Variants in PCNT observed in about 807,000 individuals in gnomAD.
The protein encoded by PCNT is kendrin.
Under a neutral mutation model 380.4 loss-of-function variants are expected in PCNT, and 319 were observed. The ratio of observed to expected loss-of-function variants is 0.84; its 90% CI spans 0.77 to 0.92. The LOEUF is 0.92. Among genes scored for constraint, PCNT ranks in the 40% least tolerant of loss-of-function variants. PCNT has a pLI of 0.00. For synonymous variants in PCNT, 1,845 were observed against 1,735.2 expected (o/e 1.06, Z -1.57); for missense variants, 4,400 against 4,255.3 (o/e 1.03, Z -0.95).
intron 15 of PCNT, among the ~76,000 whole-genome samples, chr21:46,375,963 A>G (rs1336732390): frequency 3.9e-5 from 6 of 152,202 alleles, no homozygotes; most frequent in African/African-American, 7.2e-5. Flanking sequence ...GACTGCACAC[A>G]TGGAGCTTCC....
rs1205124368 is a variant in PCNT at position 46,381,819 on chromosome 21, G to C, written c.3291G>C (p.Lys1097Asn). 1 of 1,614,242 alleles carries C rather than the reference G, an allele frequency of 6.2e-7. No homozygotes were observed. The highest frequency in any genetic ancestry group is 8.5e-7 in the Non-Finnish European group (1 of 1,180,036). ...EKESLSLQLQKKNHQVQQLKD... is the reference protein window; with the variant it reads ...EKESLSLQLQNKNHQVQQLKD... Reference sequence around the variant, plus strand: ...AGTCTTTGTCTCTGCAGCTTCAAAAGAAGAATCACCAAGTCCAGCAGGTGT... The same window carrying C: ...AGTCTTTGTCTCTGCAGCTTCAAAACAAGAATCACCAAGTCCAGCAGGTGT... Residue 1097 changes from lysine (K) to asparagine (N), a missense_variant, in exon 16 of 47, where the codon AAG (lysine) becomes AAC (asparagine). By Grantham distance (94) the Lys-to-Asn change is moderately conservative (BLOSUM62 0). Coordinates refer to ENST00000359568, the MANE Select transcript of PCNT (RefSeq NM_006031.6).
At position 46,381,183 on chromosome 21, in the gene PCNT, A is replaced by G. The variant is rs866961413; in HGVS notation, c.3166-511A>G. Among the ~76,000 whole-genome samples, 132 of 135,386 alleles carry G rather than the reference A, an allele frequency of 9.7e-4. 3 individuals are homozygous for G. Among genetic ancestry groups the G allele is most frequent in the African/African-American group, 3.8e-3 (123 of 32,550 alleles). 88.8% of individuals were successfully genotyped at this position (135,386 alleles called of 152,430 possible). On this transcript the variant is annotated intron_variant, in intron 15 of 46. Coordinates refer to ENST00000359568, the MANE Select transcript of PCNT (RefSeq NM_006031.6). ...CAGAGAAGAGTCCTTCCAAAAAAAA[A>G]AAAAAAAAATCTCTGTGTGTGTGTG... is the stretch of plus-strand genomic sequence containing the variant.
At chr21:46,326,697 G>A in intron 2 of PCNT, 108 bp downstream of exon 2, 1 of 1,171,384 alleles carries the variant, frequency 8.5e-7, no homozygotes, top group Non-Finnish European at 1.3e-6. Flanking sequence ...CAAAAGTGAG[G>A]AAAGAGGGTG....
At chr21:46,419,766 G>A (rs2147817748) in intron 31 of PCNT, among the ~76,000 whole-genome samples, 1 of 152,206 alleles carries the variant, frequency 6.6e-6, no homozygotes, top group East Asian at 1.9e-4. Context: ...ACCGAGACAG[G>A]GTCTTGCTCT....
intron 21 of PCNT, among the ~76,000 whole-genome samples, chr21:46,394,070 C>T (rs981907253): frequency 2.0e-5 from 3 of 152,182 alleles, no homozygotes; most frequent in African/African-American, 7.2e-5. Flanking sequence ...TTAACCCTGC[C>T]CTAGTTTCTC....
At chr21:46,324,406 C>CT in intron 1 of PCNT, 124 bp downstream of exon 1, 1 of 852,052 alleles carries the variant, frequency 1.2e-6, no homozygotes, top group South Asian at 1.4e-5. Context: ...GGAGGTCTCG[C>CT]TTTTTCCCGC....
intron 15 of PCNT, among the ~76,000 whole-genome samples, chr21:46,377,371 CA>C (rs1447327833): frequency 6.6e-6 from 1 of 152,208 alleles, no homozygotes; most frequent in Admixed American, 6.5e-5. Context: ...TAAGTAGATA[CA>C]AAAAACTTAC....
intron 3 of PCNT, among the ~76,000 whole-genome samples, chr21:46,336,401 G>T (rs1280492102): frequency 2.0e-5 from 3 of 152,190 alleles, no homozygotes; most frequent in African/African-American, 7.2e-5. Flanking sequence ...TTGGGACCGG[G>T]TCTCATTCTG....
chr21:46,413,719 G>C (rs1386877125), intron 29 of PCNT, among the ~76,000 whole-genome samples: 1 of 152,184 alleles, frequency 6.6e-6, no homozygotes, highest in Non-Finnish European at 1.5e-5. Context: ...GTTTTACTTT[G>C]AAAGGCCTCA....
At position 46,371,260 on chromosome 21, in the gene PCNT, G is replaced by C. The variant is rs551353495; in HGVS notation, c.3165+4121G>C. ...AAGACGGAGTCTCAAAAAAAGTCTA[G>C]AGTGCAGTGTCACGATCCTGGCTCA... On this transcript the variant is annotated intron_variant, in intron 15 of 46. Transcript: ENST00000359568. Among the ~76,000 whole-genome samples, 3 of 144,336 alleles carry C rather than the reference G, an allele frequency of 2.1e-5. No homozygotes were observed. The South Asian group carries it at 6.6e-4, about 32-fold the overall frequency. 94.7% of individuals were successfully genotyped at this position (144,336 alleles called of 152,430 possible).
rs200878443 is a variant in PCNT at position 46,431,917 on chromosome 21, C to A, written c.8453C>A (p.Ser2818Tyr). Residue 2818 changes from serine to tyrosine, a missense_variant, in exon 38 of 47, where the codon TCT (serine) becomes TAT (tyrosine). By Grantham distance (144) the Ser-to-Tyr change is moderately radical. Transcript: ENST00000359568. ...AAGGTGCAGCAGCAAGCCCTGCATT[C>A]TCAGCAGCAGCTTGAGGCTGAGGCT... ...LEKVQQQALHSQQQLEAEAQK... is the reference protein window; with the variant it reads ...LEKVQQQALHYQQQLEAEAQK... The A allele has an allele frequency of 3.1e-6, 5 of 1,614,114 alleles. No homozygotes were observed. Among genetic ancestry groups the A allele is most frequent in the Non-Finnish European group, 4.2e-6 (5 of 1,180,044 alleles).
chr21:46,442,856 C>CT (rs1487314596), intron 44 of PCNT: 6 of 486,768 alleles, frequency 1.2e-5, no homozygotes, highest in Non-Finnish European at 2.2e-5. Context: ...GCAAAATGGT[C>CT]TTTTTTTATT....
At chr21:46,408,610 A>G (rs1188959647) in intron 27 of PCNT, among the ~76,000 whole-genome samples, 2 of 151,760 alleles carry the variant, frequency 1.3e-5, no homozygotes, top group African/African-American at 2.4e-5. Context: ...ATGTAGTGGT[A>G]TATCCTAGAG....
intron 21 of PCNT, among the ~76,000 whole-genome samples, chr21:46,393,184 A>G (rs2086092197): frequency 6.6e-6 from 1 of 152,062 alleles, no homozygotes; most frequent in Non-Finnish European, 1.5e-5. Context: ...AGTGCGGGGG[A>G]ACCTCCAGGG....
intron 39 of PCNT, among the ~76,000 whole-genome samples, chr21:46,436,618 TCTC>T (rs2053462879): frequency 6.6e-6 from 1 of 152,136 alleles, no homozygotes; most frequent in African/African-American, 2.4e-5. Context: ...CAAACACAGT[TCTC>T]CTTTCTATAC....
chr21:46,403,373 C>T (rs1011900715), intron 27 of PCNT, among the ~76,000 whole-genome samples: 5 of 125,442 alleles, frequency 4.0e-5, no homozygotes, highest in South Asian at 5.3e-4. Context: ...ATGAACACAG[C>T]GTGGGAGAAT....
chr21:46,394,869 C>T (rs1202365570), intron 21 of PCNT, among the ~76,000 whole-genome samples: 4 of 152,236 alleles, frequency 2.6e-5, no homozygotes, highest in Non-Finnish European at 4.4e-5. Flanking sequence ...CCTGGATCCC[C>T]TGTGCCTGTT....
At chr21:46,440,509 G>A (rs2053578953) in intron 42 of PCNT, among the ~76,000 whole-genome samples, 1 of 152,230 alleles carries the variant, frequency 6.6e-6, no homozygotes, top group Admixed American at 6.5e-5. Context: ...CCCAAGATCT[G>A]CTGCAGTCTC....
At chr21:46,399,459 T>C in intron 24 of PCNT, 131 bp from the exon 25 acceptor site, 1 of 715,990 alleles carries the variant, frequency 1.4e-6, no homozygotes, top group South Asian at 1.5e-5. Context: ...TGAGTCTAGG[T>C]CTCCCTTTGG....
Sources: allele counts gnomAD v4.1 joint callset (sites outside exome capture counted in the v4.1 genomes callset), GRCh38; gene constraint gnomAD v4.1.1; transcripts MANE v1.5; gene names NCBI Gene and HGNC (gene_info 2026-07-23, HGNC 2026-07-21).